GARS1: variants seen among roughly 807,000 people sequenced by gnomAD.
GARS1 encodes glycyl-tRNA synthetase 1, also known as glycine--tRNA ligase.
In GARS1, 46 loss-of-function variants were observed where a neutral mutation model predicts 86.4. That is an observed-to-expected ratio of 0.53 (90% CI 0.42 to 0.68). GARS1 has a LOEUF of 0.68. Ranked by LOEUF, GARS1 falls within the 30% of genes least tolerant of loss-of-function variation. GARS1 has a pLI of 0.00. For missense variants in GARS1, 797 were observed against 915.6 expected, an observed-to-expected ratio of 0.87 and a Z score of 1.67; for synonymous variants, 342 against 329.8, an observed-to-expected ratio of 1.04 and a Z score of -0.40.
At chr7:30,610,348 A>G (rs1022325290) in intron 7 of GARS1, among the ~76,000 whole-genome samples, 12 of 152,230 alleles carry the variant, frequency 7.9e-5, no homozygotes, top group African/African-American at 2.9e-4. Context: ...AGTTTACAGT[A>G]TGATTCAGAA....
intron 12 of GARS1, among the ~76,000 whole-genome samples, chr7:30,625,510 T>C (rs1379002625): frequency 1.3e-5 from 2 of 152,154 alleles, no homozygotes; most frequent in East Asian, 3.9e-4. Flanking sequence ...ATCCTAGCAC[T>C]GAATTGCTTG....
intron 13 of GARS1, among the ~76,000 whole-genome samples, chr7:30,627,927 AATAGAG>A (rs1455805002): frequency 6.6e-6 from 1 of 152,234 alleles, no homozygotes; most frequent in East Asian, 1.9e-4. Context: ...CGAGGCAGGT[AATAGAG>A]ATAAAGTGTA....
rs1443380634 is a variant in GARS1, at chr7:30,612,192, T to C, written c.978T>C (p.Ile326=). 6.2e-7 allele frequency: 1 copy of C among 1,614,122 alleles called. No individual in the cohort carries two copies. ...QGKLPFAAAQ[I]GNSFRNEISP... ...AGTTGCCTTTTGCTGCTGCCCAGAT[T>C]GGAAATTCTTTTAGAAATGAGATCT... The change falls in exon 8 of 17, where the codon ATT becomes ATC. Residue 326 remains isoleucine (I), a synonymous_variant. Coordinates refer to ENST00000389266, the MANE Select transcript of GARS1 (RefSeq NM_002047.4).
chr7:30,601,771 G>A (rs931367505), intron 4 of GARS1, among the ~76,000 whole-genome samples: 1 of 152,098 alleles, frequency 6.6e-6, no homozygotes, highest in South Asian at 2.1e-4. Context: ...TGAAAGTAGG[G>A]CAGAATTTCC....
intron 2 of GARS1, among the ~76,000 whole-genome samples, chr7:30,599,182 ACTTCT>A (rs1330195153): frequency 6.6e-6 from 1 of 152,004 alleles, no homozygotes; most frequent in African/African-American, 2.4e-5. Flanking sequence ...CTTCTTTACG[ACTTCT>A]CTTATGCCTG....
chr7:30,609,677 G>A lies in GARS1; in HGVS notation c.828G>A (p.Val276=), dbSNP rs200760866. Residue 276 remains valine, a synonymous_variant, in exon 7 of 17, where the codon GTG becomes GTA. Coordinates refer to ENST00000389266, the MANE Select transcript of GARS1 (RefSeq NM_002047.4). The stretch of plus-strand genomic sequence containing the variant: ...CTGGAAATGATCTATCCCCTCCAGT[G>A]TCTTTTAACTTAATGTTCAAGACTT... ...PITGNDLSPP[V]SFNLMFKTFI... The A allele has an allele frequency of 6.2e-7, 1 of 1,613,374 alleles. No individual in the cohort carries two copies. Among genetic ancestry groups the A allele is most frequent in the Non-Finnish European group, 8.5e-7 (1 of 1,179,436 alleles).
rs1256968804 is a variant in GARS1 at position 30,633,762 on chromosome 7, G to T, written c.2122G>T (p.Asp708Tyr). The T allele has an allele frequency of 1.9e-6, 3 of 1,614,078 alleles. No individual in the cohort carries two copies. The East Asian group carries it at 6.7e-5, about 36-fold the overall frequency. The change falls in exon 17 of 17, where the codon GAC becomes TAC. Residue 708 changes from aspartate to tyrosine, a missense_variant. Asp to Tyr is a radical substitution (Grantham distance 160, BLOSUM62 -3). Coordinates refer to ENST00000389266, the MANE Select transcript of GARS1 (RefSeq NM_002047.4). ...CTCTGAGCTGCCCAGCATAGTCCAA[G>T]ACCTAGCCAATGGCAACATCACATG... ...EISELPSIVQ[D>Y]LANGNITWAD... is the part of the protein sequence containing the mutation.
At chr7:30,619,488 C>A (rs77680010) in intron 10 of GARS1, among the ~76,000 whole-genome samples, 1 of 152,242 alleles carries the variant, frequency 6.6e-6, no homozygotes, top group Non-Finnish European at 1.5e-5. Flanking sequence ...TTCTCAGGCA[C>A]GTTTTTGTAA....
intron 14 of GARS1, among the ~76,000 whole-genome samples, chr7:30,629,532 C>T (rs907723641): frequency 6.6e-6 from 1 of 151,732 alleles, no homozygotes; most frequent in Non-Finnish European, 1.5e-5. Flanking sequence ...AAAGAAACAG[C>T]GTCATCCACT....
chr7:30,603,202 T>A, intron 5 of GARS1, 80 bp downstream of exon 5: 1 of 1,222,836 alleles, frequency 8.2e-7, no homozygotes, highest in Non-Finnish European at 1.2e-6. Flanking sequence ...TTCATTAAAT[T>A]TTTTATTGAG....
chr7:30,598,751 A>G (rs1388619437), intron 1 of GARS1, 45 bp from the exon 2 acceptor site: 1 of 1,492,932 alleles, frequency 6.7e-7, no homozygotes. Flanking sequence ...AACATTTCTT[A>G]ACTTCTGAAA....
At chr7:30,633,610 C>G in intron 16 of GARS1, 125 bp from the exon 17 acceptor site, 2 of 1,159,846 alleles carry the variant, frequency 1.7e-6, no homozygotes, top group Non-Finnish European at 2.6e-6. Context: ...GCTAGAAGAG[C>G]ATGAACCCAT....
intron 4 of GARS1, among the ~76,000 whole-genome samples, chr7:30,602,442 TA>T (rs1334354238): frequency 6.6e-6 from 1 of 152,258 alleles, no homozygotes; most frequent in African/African-American, 2.4e-5. Flanking sequence ...GGTGGAGAGC[TA>T]ATTTTTACTA....
intron 8 of GARS1, among the ~76,000 whole-genome samples, chr7:30,613,623 T>C (rs17159275): frequency 0.04 from 6,047 of 152,292 alleles, 168 homozygotes; most frequent in Middle Eastern, 0.082. Context: ...AGCTTGGAAC[T>C]TGGGAGTGAT....
At chr7:30,618,138 A>G (rs1782928327) in intron 10 of GARS1, among the ~76,000 whole-genome samples, 1 of 152,182 alleles carries the variant, frequency 6.6e-6, no homozygotes, top group African/African-American at 2.4e-5. Flanking sequence ...TTTTAAAACA[A>G]AAAGGAAAAA....
intron 6 of GARS1, among the ~76,000 whole-genome samples, chr7:30,606,516 T>C (rs1791488810): frequency 1.3e-5 from 2 of 152,178 alleles, no homozygotes; most frequent in Non-Finnish European, 2.9e-5. Context: ...TTTCGTTTTT[T>C]CCTCCTACTG....
intron 14 of GARS1, chr7:30,631,096 C>T (rs1049756493): frequency 4.6e-6 from 1 of 215,334 alleles, no homozygotes; most frequent in Non-Finnish European, 9.5e-6. Context: ...CAAAAAATTA[C>T]CGTCTTTTAT....
intron 8 of GARS1, among the ~76,000 whole-genome samples, chr7:30,615,518 T>C (rs2128134420): frequency 6.6e-6 from 1 of 152,350 alleles, no homozygotes; most frequent in South Asian, 2.1e-4. Context: ...CAAGTTATTT[T>C]CAGTTAAAAG....
rs1266591118 is a variant in GARS1, at chr7:30,622,138, A to G, written c.1468-179A>G. 5 of 676,816 alleles carry G rather than the reference A, an allele frequency of 7.4e-6. No individual in the cohort carries two copies. The African/African-American group carries it at 8.9e-5, about 12-fold the overall frequency. 41.9% of individuals were successfully genotyped at this position (676,816 alleles called of 1,614,324 possible). On this transcript the variant is annotated intron_variant, in intron 11 of 16. Coordinates refer to ENST00000389266, the MANE Select transcript of GARS1 (RefSeq NM_002047.4). ...ATTGATGGTGTTAATTTTGGATGAG[A>G]GTTGTCTGAATGATTTTGTGGACAG... is the stretch of plus-strand genomic sequence containing the variant.
Sources: allele counts gnomAD v4.1 joint callset (sites outside exome capture counted in the v4.1 genomes callset), GRCh38; gene constraint gnomAD v4.1.1; transcripts MANE v1.5; gene names NCBI Gene and HGNC (gene_info 2026-07-23, HGNC 2026-07-21).